Variants in AGO3 observed in about 807,000 individuals in gnomAD.
AGO3 encodes protein argonaute-3.
Under a neutral mutation model 105.5 loss-of-function variants are expected in AGO3, and 16 were observed. That is an observed-to-expected ratio of 0.15 (90% CI 0.10 to 0.23). The LOEUF (loss-of-function observed/expected upper bound fraction) is 0.23, where lower values mean the gene tolerates loss of function less well. Among genes scored for constraint, AGO3 ranks in the 10% least tolerant of loss-of-function variants. The probability of loss-of-function intolerance (pLI) is 1.00; values close to 1 mark genes in which losing one functional copy is unlikely to be tolerated. For synonymous variants in AGO3, 340 were observed against 367.3 expected (o/e 0.93, Z 0.85); for missense variants, 534 against 1,088.0 (o/e 0.49, Z 7.16).
At chr1:35,960,870 A>G (rs568995131) in intron 2 of AGO3, among the ~76,000 whole-genome samples, 1 of 152,106 alleles carries the variant, frequency 6.6e-6, no homozygotes, top group Non-Finnish European at 1.5e-5. Context: ...GTAATTATTC[A>G]TAAAAGTAAT....
intron 3 of AGO3, among the ~76,000 whole-genome samples, chr1:35,969,030 G>A (rs1646821104): frequency 6.6e-6 from 1 of 151,988 alleles, no homozygotes; most frequent in African/African-American, 2.4e-5. Context: ...AGGCTTATTG[G>A]CCATTTGTAT....
At chr1:35,946,325 A>G (rs1206151721) in intron 2 of AGO3, among the ~76,000 whole-genome samples, 1 of 152,126 alleles carries the variant, frequency 6.6e-6, no homozygotes, top group African/African-American at 2.4e-5. Flanking sequence ...TCTTACCATT[A>G]TATAGGAATA....
rs142725498 is a variant in AGO3 at position 36,040,755 on chromosome 1, T to A, written c.2172+314T>A. 1.2e-3 allele frequency among the ~76,000 whole-genome samples: 181 copies of A among 152,166 alleles called. No homozygotes were observed. The East Asian group carries it at 0.02, about 17-fold the overall frequency. Reference sequence around the variant, plus strand: ...CAGTACATTCTCTTTTTAAAATATCTCATACAAATTAGTTTTTTAAAAAAG... The same window carrying A: ...CAGTACATTCTCTTTTTAAAATATCACATACAAATTAGTTTTTTAAAAAAG... On this transcript the variant is annotated intron_variant, in intron 16 of 18. Transcript: ENST00000373191.
chr1:36,041,405 C>G (rs181018949), intron 16 of AGO3, among the ~76,000 whole-genome samples: 163 of 151,898 alleles, frequency 1.1e-3, no homozygotes, highest in South Asian at 5.2e-3. Context: ...CCATGCCCGG[C>G]TAATTTTTTG....
At chr1:35,994,077 T>TTCTTACTCTG (rs1648016832) in intron 5 of AGO3, among the ~76,000 whole-genome samples, 1 of 118,590 alleles carries the variant, frequency 8.4e-6, no homozygotes, top group African/African-American at 3.4e-5. Flanking sequence ...TTGAGTCAGG[T>TTCTTACTCTG]TCTTACTCTG....
chr1:35,938,900 T>C (rs1335761608), intron 1 of AGO3, among the ~76,000 whole-genome samples: 2 of 152,204 alleles, frequency 1.3e-5, no homozygotes, highest in Admixed American at 6.5e-5. Context: ...CTTTAGACTT[T>C]CCAACTGGTA....
intron 13 of AGO3, among the ~76,000 whole-genome samples, chr1:36,035,856 C>T (rs113814273): frequency 0.022 from 3,344 of 151,952 alleles, 133 homozygotes; most frequent in African/African-American, 0.076. Context: ...CATGGTGAAA[C>T]CCCATCTCTA....
chr1:36,004,387 G>C lies in AGO3; in HGVS notation c.705G>C (p.Met235Ile). ...FYKAQPVIQF[M>I]CEVLDIHNID... Reference sequence around the variant, plus strand: ...AAGCACAACCTGTAATTCAGTTCATGTGTGAAGTTCTTGATATTCATAATA... The same window carrying C: ...AAGCACAACCTGTAATTCAGTTCATCTGTGAAGTTCTTGATATTCATAATA... Residue 235 changes from methionine to isoleucine, a missense_variant, in exon 6 of 19, where the codon ATG (methionine) becomes ATC (isoleucine). Transcript: ENST00000373191. 6.2e-7 allele frequency: 1 copy of C among 1,610,228 alleles called. No individual in the cohort carries two copies. The highest frequency in any genetic ancestry group is 8.5e-7 in the Non-Finnish European group (1 of 1,177,522).
chr1:35,992,513 AT>A (rs763232369), intron 5 of AGO3, among the ~76,000 whole-genome samples: 43 of 151,872 alleles, frequency 2.8e-4, no homozygotes, highest in African/African-American at 1.0e-3. Flanking sequence ...TGTACCTTAA[AT>A]TTTTTTTTAA....
chr1:36,005,292 A>G (rs903086758), intron 6 of AGO3, among the ~76,000 whole-genome samples: 1 of 152,154 alleles, frequency 6.6e-6, no homozygotes, highest in African/African-American at 2.4e-5. Flanking sequence ...AAGTTTGTTC[A>G]CTGAACATCT....
chr1:36,023,404 G>A (rs1339505067), intron 11 of AGO3, among the ~76,000 whole-genome samples: 1 of 152,172 alleles, frequency 6.6e-6, no homozygotes, highest in African/African-American at 2.4e-5. Flanking sequence ...AAATTTAACA[G>A]AGTTTAATTG....
intron 2 of AGO3, among the ~76,000 whole-genome samples, chr1:35,965,450 A>G (rs1474330146): frequency 6.9e-6 from 1 of 145,402 alleles, no homozygotes; most frequent in Non-Finnish European, 1.5e-5. Context: ...AGATCGCACC[A>G]CTGCACTCCA....
rs1330074232 is a variant in AGO3, at chr1:36,070,939, TC to T, written c.*15195del. The T allele has an allele frequency of 6.6e-6, 1 of 152,206 alleles. No individual in the cohort carries two copies. Among genetic ancestry groups the T allele is most frequent in the Non-Finnish European group, 1.5e-5 (1 of 68,044 alleles). 9.4% of individuals were successfully genotyped at this position (152,206 alleles called of 1,614,324 possible). On this transcript the variant is annotated 3_prime_UTR_variant, in exon 19 of 19. Coordinates refer to ENST00000373191, the MANE Select transcript of AGO3 (RefSeq NM_024852.4). The stretch of plus-strand genomic sequence containing the variant: ...CTTGTGGACTAGTACGTGGATGCAT[TC>T]ATAGGCTTTGGGAAGCAGTGGTGTG...
intron 2 of AGO3, among the ~76,000 whole-genome samples, chr1:35,958,629 G>A (rs573891912): frequency 1.8e-3 from 270 of 151,424 alleles, no homozygotes; most frequent in South Asian, 0.013. Flanking sequence ...CTCCAGCCTG[G>A]GCATCAGAGC....
chr1:35,984,074 A>G (rs1012284013), intron 5 of AGO3, among the ~76,000 whole-genome samples: 24 of 152,214 alleles, frequency 1.6e-4, no homozygotes, highest in Admixed American at 2.0e-4. Flanking sequence ...GAGGAATACT[A>G]GCATTTAAGA....
intron 1 of AGO3, among the ~76,000 whole-genome samples, chr1:35,933,885 C>G (rs1271920892): frequency 1.3e-5 from 2 of 151,842 alleles, no homozygotes; most frequent in East Asian, 3.9e-4. Context: ...ATTAGGGAAC[C>G]TCGAACACAA....
At chr1:36,036,940 C>T (rs542429250) in intron 14 of AGO3, among the ~76,000 whole-genome samples, 1 of 152,200 alleles carries the variant, frequency 6.6e-6, no homozygotes, top group South Asian at 2.1e-4. Context: ...GGTCAGTCCA[C>T]CTGCTTCGGC....
At chr1:36,022,347 A>G (rs184090547) in intron 11 of AGO3, among the ~76,000 whole-genome samples, 44 of 152,296 alleles carry the variant, frequency 2.9e-4, no homozygotes, top group Admixed American at 9.2e-4. Flanking sequence ...GATTATAGGC[A>G]TGAACCTAGA....
In AGO3 at chr1:36,055,211, G is replaced by A. The variant is rs1421030680; in HGVS notation, c.2474+66G>A. 3.3e-6 allele frequency: 5 copies of A among 1,503,218 alleles called. No individual in the cohort carries two copies. Among genetic ancestry groups the A allele is most frequent in the Non-Finnish European group, 3.6e-6 (4 of 1,107,082 alleles). The allele number at this position is 1,503,218 out of a possible 1,614,324, so 93.1% of individuals were successfully genotyped here. On this transcript the variant is annotated intron_variant, in intron 18 of 18. Coordinates refer to ENST00000373191, the MANE Select transcript of AGO3 (RefSeq NM_024852.4). The surrounding 1 kb of genome is among the most constrained non-coding windows in gnomAD (Gnocchi z 4.4). Reference sequence around the variant, plus strand: ...ATTGTCTGCATGGTAGGATTTTCAAGTTCCACAAGCTATTAGCGGAGTCAG... The same window carrying A: ...ATTGTCTGCATGGTAGGATTTTCAAATTCCACAAGCTATTAGCGGAGTCAG...
Sources: allele counts gnomAD v4.1 joint callset (sites outside exome capture counted in the v4.1 genomes callset), GRCh38; gene constraint gnomAD v4.1.1; non-coding constraint Gnocchi (gnomAD v3.1); transcripts MANE v1.5; gene names NCBI Gene and HGNC (gene_info 2026-07-23, HGNC 2026-07-21).